The following ERC2 variants were observed in gnomAD, a reference collection of about 807,000 sequenced individuals.
The protein encoded by ERC2 is ELKS/RAB6-interacting/CAST family member 2, also known as ERC protein 2.
ERC2 carries 42 observed loss-of-function variants against 114.8 expected under a neutral mutation model. The observed-to-expected ratio is 0.37, with a 90% CI of 0.29 to 0.47. The LOEUF (loss-of-function observed/expected upper bound fraction) is 0.47, where lower values mean the gene tolerates loss of function less well. Ranked by LOEUF, ERC2 falls within the 20% of genes least tolerant of loss-of-function variation. The pLI is 0.99. For missense variants in ERC2, 939 were observed against 1,150.7 expected (o/e 0.82, Z 2.66); for synonymous variants, 454 against 425.5 (o/e 1.07, Z -0.82).
At chr3:56,410,609 G>T (rs1367642658) in intron 2 of ERC2, among the ~76,000 whole-genome samples, 1 of 152,108 alleles carries the variant, frequency 6.6e-6, no homozygotes, top group Non-Finnish European at 1.5e-5. Flanking sequence ...TTCTGGGGGG[G>T]TTGTTTTTAG....
chr3:55,874,281 G>A (rs2062721784), intron 14 of ERC2, among the ~76,000 whole-genome samples: 1 of 152,184 alleles, frequency 6.6e-6, no homozygotes, highest in Admixed American at 6.5e-5. Flanking sequence ...TGAAGAATAA[G>A]GCGGGGAGGC....
At chr3:55,534,395 CAAAA>C (rs34419845) in intron 17 of ERC2, among the ~76,000 whole-genome samples, 1 of 107,294 alleles carries the variant, frequency 9.3e-6, no homozygotes, top group Non-Finnish European at 1.9e-5. Context: ...GAGACCCTGT[CAAAA>C]AAAAAAAAAA....
intron 2 of ERC2, among the ~76,000 whole-genome samples, chr3:56,300,280 C>CAAAAAAAAAAAAAA: frequency 1.1e-5 from 1 of 93,218 alleles, no homozygotes; most frequent in Non-Finnish European, 2.2e-5. Context: ...TCATGAAATA[C>CAAAAAAAAAAAAAA]AAAAAAAAAA....
At chr3:55,651,189 C>T (rs2060607892) in intron 17 of ERC2, among the ~76,000 whole-genome samples, 1 of 151,968 alleles carries the variant, frequency 6.6e-6, no homozygotes, top group Admixed American at 6.6e-5. Flanking sequence ...ATATGCCAGT[C>T]TGCCCTCACT....
chr3:55,567,000 C>T (rs1474731907), intron 17 of ERC2, among the ~76,000 whole-genome samples: 4 of 152,100 alleles, frequency 2.6e-5, no homozygotes, highest in East Asian at 1.9e-4. Context: ...TGTGCCTGAC[C>T]GATAATTAAT....
At chr3:55,932,963 C>T (rs1234488378) in intron 13 of ERC2, among the ~76,000 whole-genome samples, 1 of 152,248 alleles carries the variant, frequency 6.6e-6, no homozygotes, top group Non-Finnish European at 1.5e-5. Flanking sequence ...AATTGCAACA[C>T]TTTCGGAGGC....
In ERC2 at chr3:55,728,592, G is replaced by T. The variant is rs575553048; in HGVS notation, c.2712+6179C>A. 3.9e-5 allele frequency among the ~76,000 whole-genome samples: 6 copies of T among 152,264 alleles called. No homozygotes were observed. The South Asian group carries it at 1.2e-3, about 32-fold the overall frequency. On this transcript the variant is annotated intron_variant, in intron 15 of 17. Transcript: ENST00000288221. Reference sequence around the variant, plus strand: ...CCTGGGAAGGGTTTTCAGCAGTAAGGACTGGGGGGTGATGAGTGTAACCTG... The same window carrying T: ...CCTGGGAAGGGTTTTCAGCAGTAAGTACTGGGGGGTGATGAGTGTAACCTG...
chr3:56,211,686 C>T (rs2049069965), intron 3 of ERC2, among the ~76,000 whole-genome samples: 2 of 152,138 alleles, frequency 1.3e-5, no homozygotes, highest in South Asian at 4.1e-4. Context: ...CATTACATTA[C>T]CTGACCTTCA....
chr3:55,766,871 T>C (rs2067830800), intron 14 of ERC2: 1 of 152,242 alleles, frequency 6.6e-6, no homozygotes, highest in Non-Finnish European at 1.5e-5. Flanking sequence ...CACCTCCACT[T>C]CCTGGAACAG....
At chr3:56,260,239 A>G (rs2052822985) in intron 3 of ERC2, among the ~76,000 whole-genome samples, 2 of 152,160 alleles carry the variant, frequency 1.3e-5, no homozygotes, top group Non-Finnish European at 2.9e-5. Context: ...ACCCTCAGGA[A>G]ACCACTCCTC....
intron 2 of ERC2, among the ~76,000 whole-genome samples, chr3:56,351,063 A>C (rs1453965812): frequency 6.6e-6 from 1 of 152,178 alleles, no homozygotes; most frequent in Admixed American, 6.5e-5. Context: ...GAGGAGAGGG[A>C]GAGGCAGACA....
chr3:55,728,392 G>A (rs1489023862), intron 15 of ERC2, among the ~76,000 whole-genome samples: 1 of 152,168 alleles, frequency 6.6e-6, no homozygotes, highest in Non-Finnish European at 1.5e-5. Flanking sequence ...TGACCCAATT[G>A]AGCAAGTCCC....
chr3:55,706,555 C>G (rs1396736908), intron 15 of ERC2, among the ~76,000 whole-genome samples: 1 of 151,940 alleles, frequency 6.6e-6, no homozygotes, highest in East Asian at 1.9e-4. Flanking sequence ...TTCCACCACT[C>G]CCAGTTATTT....
intron 3 of ERC2, among the ~76,000 whole-genome samples, chr3:56,287,278 A>G (rs2054784438): frequency 6.6e-6 from 1 of 152,230 alleles, no homozygotes; most frequent in Admixed American, 6.5e-5. Flanking sequence ...GAGACAAAGC[A>G]TTTCTTTTTG....
chr3:56,134,368 T>C (rs2080374358), intron 6 of ERC2, among the ~76,000 whole-genome samples: 1 of 152,186 alleles, frequency 6.6e-6, no homozygotes, highest in Admixed American at 6.5e-5. Context: ...AAAAGAACGT[T>C]TGCTCAATGA....
intron 13 of ERC2, among the ~76,000 whole-genome samples, chr3:55,926,554 A>G (rs1337866918): frequency 1.3e-5 from 2 of 152,180 alleles, no homozygotes; most frequent in Non-Finnish European, 2.9e-5. Flanking sequence ...AAATGTACCT[A>G]TGTTCCATGG....
intron 8 of ERC2, among the ~76,000 whole-genome samples, chr3:56,012,067 T>C (rs1263422575): frequency 6.6e-6 from 1 of 152,158 alleles, no homozygotes; most frequent in Admixed American, 6.5e-5. Context: ...ATTAATTGCC[T>C]ATATTTGTTT....
intron 3 of ERC2, among the ~76,000 whole-genome samples, chr3:56,249,633 C>T (rs2051990602): frequency 2.6e-5 from 4 of 151,386 alleles, no homozygotes; most frequent in African/African-American, 7.3e-5. Context: ...GCCTAATTCA[C>T]CTGTTTAACC....
At chr3:56,467,130 T>A (rs144044076) in intron 1 of ERC2, 1 of 152,178 alleles carries the variant, frequency 6.6e-6, no homozygotes, top group African/African-American at 2.4e-5. Flanking sequence ...CACAGCTGTA[T>A]CCCCATACCA....
Sources: gnomAD v4.1 joint callset for allele counts (sites outside exome capture counted in the v4.1 genomes callset) on GRCh38, gnomAD v4.1.1 for gene constraint, MANE v1.5 for transcripts, NCBI Gene and HGNC (gene_info 2026-07-23, HGNC 2026-07-21) for gene names.